ANKRD31: variants seen among roughly 807,000 people sequenced by gnomAD.
ANKRD31 encodes the protein ankyrin repeat domain 31, also known as ankyrin repeat domain-containing protein 31.
Under a neutral mutation model 186.0 loss-of-function variants are expected in ANKRD31, and 147 were observed. The observed-to-expected ratio is 0.79, with a 90% CI of 0.69 to 0.91. The LOEUF is 0.91. Among genes scored for constraint, ANKRD31 ranks in the 40% least tolerant of loss-of-function variants. ANKRD31 has a pLI of 0.00. For missense variants in ANKRD31, 1,986 were observed against 2,148.8 expected, an observed-to-expected ratio of 0.92 and a Z score of 1.50; for synonymous variants, 673 against 736.4, an observed-to-expected ratio of 0.91 and a Z score of 1.39.
Position 75,163,091 on chromosome 5 carries a change from G to A in ANKRD31, c.1707+5888C>T, listed in dbSNP as rs895628287. On this transcript the variant is annotated intron_variant, in intron 11 of 25. Coordinates refer to ENST00000506364, the MANE Select transcript of ANKRD31 (RefSeq NM_001372053.1). ...TACTATTAACAATGAAACTACTAACGATGTTTATTTTGGTAGTTCTTTTTG... is the reference window on the plus strand; with the variant it reads ...TACTATTAACAATGAAACTACTAACAATGTTTATTTTGGTAGTTCTTTTTG... 5.3e-5 allele frequency among the ~76,000 whole-genome samples: 8 copies of A among 152,122 alleles called. No individual in the cohort carries two copies. In the South Asian group the frequency reaches 6.2e-4, roughly 12 times the overall value.
intron 23 of ANKRD31, among the ~76,000 whole-genome samples, chr5:75,087,506 C>G (rs1386420342): frequency 6.9e-6 from 1 of 144,304 alleles, no homozygotes; most frequent in Non-Finnish European, 1.5e-5. Context: ...GACTCTGGCT[C>G]AAAAAGAAAA....
intron 5 of ANKRD31, among the ~76,000 whole-genome samples, chr5:75,201,306 A>G (rs1755811044): frequency 6.6e-6 from 1 of 152,210 alleles, no homozygotes; most frequent in Admixed American, 6.5e-5. Context: ...AAGAATAAAT[A>G]ATTTCTTATC....
chr5:75,235,212 G>T (rs1219842158), intron 1 of ANKRD31, among the ~76,000 whole-genome samples: 2 of 135,788 alleles, frequency 1.5e-5, no homozygotes, highest in Non-Finnish European at 1.6e-5. Flanking sequence ...GGAATCAGTT[G>T]TCTAGTTCAA....
At chr5:75,129,281 C>T (rs200337343) in intron 17 of ANKRD31, among the ~76,000 whole-genome samples, 1 of 152,206 alleles carries the variant, frequency 6.6e-6, no homozygotes, top group African/African-American at 2.4e-5. Flanking sequence ...GCTTGCAGAA[C>T]TGTGAGTCAA....
chr5:75,200,193 C>A (rs1183436713), intron 5 of ANKRD31, among the ~76,000 whole-genome samples: 3 of 152,170 alleles, frequency 2.0e-5, no homozygotes, highest in African/African-American at 7.2e-5. Flanking sequence ...ACCCTGCCCC[C>A]TCTGAGCCAA....
intron 20 of ANKRD31, among the ~76,000 whole-genome samples, chr5:75,109,023 A>C (rs890795373): frequency 5.9e-5 from 9 of 152,164 alleles, no homozygotes; most frequent in African/African-American, 2.2e-4. Context: ...GATGATATTA[A>C]TCAATGGTAT....
chr5:75,158,345 A>C (rs1326592922), intron 11 of ANKRD31, among the ~76,000 whole-genome samples: 4 of 152,340 alleles, frequency 2.6e-5, no homozygotes, highest in African/African-American at 7.2e-5. Flanking sequence ...AAACAAGAAA[A>C]AAATTTTGCA....
chr5:75,153,828 T>C (rs1751993731), intron 12 of ANKRD31, among the ~76,000 whole-genome samples: 1 of 152,098 alleles, frequency 6.6e-6, no homozygotes, highest in Non-Finnish European at 1.5e-5. Flanking sequence ...AGTATAGCCA[T>C]AAGAAAATAT....
chr5:75,176,807 ACT>A lies in ANKRD31; in HGVS notation c.1565-7688_1565-7687del, dbSNP rs1408424333. ...AAAAAACAGAGCAGAAAAACCGGAAACTCTAAAAATCAGAGTGCCTCTCCTCC... is the reference window on the plus strand; with the variant it reads ...AAAAAACAGAGCAGAAAAACCGGAAACTAAAAATCAGAGTGCCTCTCCTCC... On this transcript the variant is annotated intron_variant, in intron 10 of 25. Coordinates refer to ENST00000506364, the MANE Select transcript of ANKRD31 (RefSeq NM_001372053.1). Among the ~76,000 whole-genome samples the A allele has an allele frequency of 4.6e-5, 7 of 152,300 alleles. No homozygotes were observed. The East Asian group carries it at 1.2e-3, about 25-fold the overall frequency.
chr5:75,120,741 T>C (rs1467255914), intron 17 of ANKRD31, among the ~76,000 whole-genome samples: 1 of 152,118 alleles, frequency 6.6e-6, no homozygotes, highest in Non-Finnish European at 1.5e-5. Flanking sequence ...GATAACAACA[T>C]GACGGGAAGA....
Position 75,195,741 on chromosome 5 carries a change from T to A in ANKRD31, c.907A>T (p.Thr303Ser). Residue 303 changes from threonine to serine, a missense_variant, in exon 7 of 26, where the codon ACC becomes TCC. Coordinates refer to ENST00000506364, the MANE Select transcript of ANKRD31 (RefSeq NM_001372053.1). ...LNTLSEAKVETICHRKEGGSS... is the reference protein window; with the variant it reads ...LNTLSEAKVESICHRKEGGSS... ...CCTCCCTCTTTTCTGTGACAGATGG[T>A]TTCCACCTTGGCTTCTGACAATGTG... The A allele has an allele frequency of 6.5e-7, 1 of 1,537,616 alleles. No individual in the cohort carries two copies. Among genetic ancestry groups the A allele is most frequent in the Non-Finnish European group, 8.7e-7 (1 of 1,146,934 alleles).
At chr5:75,094,079 T>C (rs1746136051) in intron 22 of ANKRD31, among the ~76,000 whole-genome samples, 2 of 152,296 alleles carry the variant, frequency 1.3e-5, no homozygotes, top group East Asian at 3.9e-4. Flanking sequence ...GATACAGAAG[T>C]TAGTGCTGGG....
intron 3 of ANKRD31, among the ~76,000 whole-genome samples, chr5:75,211,587 T>C (rs1055450753): frequency 6.6e-6 from 1 of 152,208 alleles, no homozygotes; most frequent in African/African-American, 2.4e-5. Flanking sequence ...CCACAGCAGT[T>C]GCATCATTTT....
chr5:75,122,686 A>T (rs186554065), intron 17 of ANKRD31, among the ~76,000 whole-genome samples: 62 of 152,224 alleles, frequency 4.1e-4, no homozygotes, highest in Middle Eastern at 3.4e-3. Context: ...AAAATTACAT[A>T]ATCATTTCAA....
rs939360435 is a variant in ANKRD31 at position 75,146,280 on chromosome 5, A to C, written c.3131T>G (p.Phe1044Cys). The change falls in exon 14 of 26, where the codon TTT becomes TGT. Residue 1044 changes from phenylalanine to cysteine, a missense_variant. Physicochemically the swap from Phe to Cys is radical, Grantham distance 205. Coordinates refer to ENST00000506364, the MANE Select transcript of ANKRD31 (RefSeq NM_001372053.1). ...PQDYIPRAPT[F>C]LMNQTDTHIV... Reference sequence around the variant, plus strand: ...ATGTGTATCTGTTTGATTCATTAAAAAAGTTGGTGCTCTGGGAATATAATC... The same window carrying C: ...ATGTGTATCTGTTTGATTCATTAAACAAGTTGGTGCTCTGGGAATATAATC... The C allele has an allele frequency of 1.3e-6, 2 of 1,536,438 alleles. No homozygotes were observed. The highest frequency in any genetic ancestry group is 2.7e-5 in the African/African-American group (2 of 72,980).
rs190823592 is a variant in ANKRD31 at position 75,154,192 on chromosome 5, T to A, written c.1852+9A>T. ...GACAAATAGCTATTACAGGGCAGTT[T>A]AATCTTACCTGATGTAAGGCATTTT... is the stretch of plus-strand genomic sequence containing the variant. On this transcript the variant is annotated intron_variant, in intron 12 of 25. Coordinates refer to ENST00000506364, the MANE Select transcript of ANKRD31 (RefSeq NM_001372053.1). 3.1e-4 allele frequency: 462 copies of A among 1,497,930 alleles called. 3 individuals carry two copies. In the African/African-American group the frequency reaches 5.4e-3, roughly 17 times the overall value. The allele number at this position is 1,497,930 out of a possible 1,614,324, so 92.8% of individuals were successfully genotyped here.
intron 10 of ANKRD31, among the ~76,000 whole-genome samples, chr5:75,170,239 A>C (rs1753219187): frequency 6.6e-6 from 1 of 152,118 alleles, no homozygotes; most frequent in Non-Finnish European, 1.5e-5. Context: ...GAAGTATTAT[A>C]ATATTAATTC....
At chr5:75,131,328 C>A (rs935399276) in intron 17 of ANKRD31, among the ~76,000 whole-genome samples, 3 of 151,924 alleles carry the variant, frequency 2.0e-5, no homozygotes, top group Non-Finnish European at 4.4e-5. Flanking sequence ...CACGTTATCA[C>A]CTCTCATTAG....
intron 2 of ANKRD31, among the ~76,000 whole-genome samples, chr5:75,228,734 C>A (rs956744467): frequency 6.6e-6 from 1 of 151,800 alleles, no homozygotes; most frequent in Non-Finnish European, 1.5e-5. Flanking sequence ...TTTTAATAAC[C>A]AGCGACATAG....
Sources: allele counts gnomAD v4.1 joint callset (sites outside exome capture counted in the v4.1 genomes callset), GRCh38; gene constraint gnomAD v4.1.1; transcripts MANE v1.5; gene names NCBI Gene and HGNC (gene_info 2026-07-23, HGNC 2026-07-21).